The following NEK1 variants were observed in gnomAD, a reference collection of about 807,000 sequenced individuals.
NEK1 encodes NIMA related kinase 1, also known as serine/threonine-protein kinase Nek1.
Under a neutral mutation model 182.1 loss-of-function variants are expected in NEK1, and 137 were observed. That is an observed-to-expected ratio of 0.75 (90% CI 0.65 to 0.87). The LOEUF (loss-of-function observed/expected upper bound fraction) is 0.87. Ranked by LOEUF, NEK1 falls within the 40% of genes least tolerant of loss-of-function variation. The pLI is 0.00. For missense variants in NEK1, 1,391 were observed against 1,494.4 expected (o/e 0.93, Z 1.14); for synonymous variants, 513 against 492.2 (o/e 1.04, Z -0.56).
At chr4:169,483,562 T>C (rs902408758) in intron 23 of NEK1, among the ~76,000 whole-genome samples, 10 of 152,128 alleles carry the variant, frequency 6.6e-5, no homozygotes, top group African/African-American at 2.2e-4. Flanking sequence ...AGTATACTGA[T>C]ATTTAAGATG....
At chr4:169,407,689 C>G (rs910012073) in intron 31 of NEK1, among the ~76,000 whole-genome samples, 1 of 152,220 alleles carries the variant, frequency 6.6e-6, no homozygotes, top group Non-Finnish European at 1.5e-5. Context: ...ATAACTCTCA[C>G]AGCTGGGTTA....
intron 5 of NEK1, among the ~76,000 whole-genome samples, chr4:169,597,215 T>A (rs1188687994): frequency 6.6e-6 from 1 of 152,168 alleles, no homozygotes; most frequent in Admixed American, 6.5e-5. Context: ...CTTCACCACA[T>A]GTATAGTAGG....
chr4:169,610,884 C>T (rs1179384273), intron 2 of NEK1, among the ~76,000 whole-genome samples: 1 of 152,168 alleles, frequency 6.6e-6, no homozygotes, highest in Non-Finnish European at 1.5e-5. Context: ...TACAGTTCTG[C>T]CTAAGCAATA....
chr4:169,425,928 A>G (rs988738596), intron 30 of NEK1, among the ~76,000 whole-genome samples: 1 of 152,222 alleles, frequency 6.6e-6, no homozygotes, highest in African/African-American at 2.4e-5. Flanking sequence ...TTTAATATTC[A>G]ATAAAAATAA....
intron 19 of NEK1, among the ~76,000 whole-genome samples, chr4:169,536,296 CAAA>C (rs386402227): frequency 3.3e-5 from 3 of 90,362 alleles, no homozygotes; most frequent in Non-Finnish European, 4.9e-5. Context: ...GAGTTTGTCT[CAAA>C]AAAAAAAAAA....
Position 169,508,178 on chromosome 4 carries a change from C to T in NEK1, c.1833+70G>A, listed in dbSNP as rs1247209364. The T allele has an allele frequency of 8.3e-6, 11 of 1,330,214 alleles. No homozygotes were observed. In the Admixed American group the frequency reaches 1.6e-4, roughly 19 times the overall value. 82.4% of individuals were successfully genotyped at this position (1,330,214 alleles called of 1,614,324 possible). A position where few individuals can be genotyped will look rare whatever the true frequency, so the allele number is the denominator to read the frequency against. On this transcript the variant is annotated intron_variant, in intron 21 of 35. Transcript: ENST00000507142. ...TTGTTGTTGTCGTTGTTGTTAATGG[C>T]ACAGCATTTTAAATGTTAACCTACT...
chr4:169,536,444 C>G (rs1238234818), intron 19 of NEK1, among the ~76,000 whole-genome samples: 1 of 151,118 alleles, frequency 6.6e-6, no homozygotes, highest in Non-Finnish European at 1.5e-5. Context: ...AGAAACAGGG[C>G]AAGCCAGAGG....
At chr4:169,484,675 C>T (rs1324894237) in intron 23 of NEK1, among the ~76,000 whole-genome samples, 2 of 152,164 alleles carry the variant, frequency 1.3e-5, no homozygotes, top group Admixed American at 6.5e-5. Context: ...GAACAGCCTT[C>T]GCAGAGCAGC....
chr4:169,598,999 T>A, intron 5 of NEK1, 101 bp downstream of exon 5: 2 of 818,968 alleles, frequency 2.4e-6, no homozygotes, highest in Non-Finnish European at 3.9e-6. Context: ...CCCTAGTAAT[T>A]TTGATTAGCA....
intron 2 of NEK1, among the ~76,000 whole-genome samples, chr4:169,611,789 T>A (rs1320806614): frequency 6.6e-6 from 1 of 152,232 alleles, no homozygotes; most frequent in Non-Finnish European, 1.5e-5. Context: ...AAGATTCCTA[T>A]TATTTTAATC....
chr4:169,583,153 A>G (rs1205040608), intron 10 of NEK1, among the ~76,000 whole-genome samples: 2 of 151,934 alleles, frequency 1.3e-5, no homozygotes, highest in African/African-American at 2.4e-5. Context: ...AGGTATCACA[A>G]CTACTCAGGA....
intron 23 of NEK1, among the ~76,000 whole-genome samples, chr4:169,495,971 T>C (rs1269961154): frequency 1.3e-5 from 2 of 152,198 alleles, no homozygotes; most frequent in East Asian, 3.8e-4. Flanking sequence ...GGGATGGCAT[T>C]GAATCTATAA....
rs545374636 is a variant in NEK1, at chr4:169,556,220, T to C, written c.1267-125A>G. ...AAAAAGTAATTACTTAATATGAACA[T>C]ACTAACAAACATAAAGCCTAAAGCA... is the stretch of plus-strand genomic sequence containing the variant. On this transcript the variant is annotated intron_variant, in intron 16 of 35. Transcript: ENST00000507142. 40 of 841,456 alleles carry C rather than the reference T, an allele frequency of 4.8e-5. No individual in the cohort carries two copies. In the South Asian group the frequency reaches 9.7e-4, roughly 21 times the overall value. 52.1% of individuals were successfully genotyped at this position (841,456 alleles called of 1,614,324 possible). A position where few individuals can be genotyped will look rare whatever the true frequency, so the allele number is the denominator to read the frequency against.
At chr4:169,431,771 TA>T (rs960143834) in intron 29 of NEK1, among the ~76,000 whole-genome samples, 24 of 109,800 alleles carry the variant, frequency 2.2e-4, no homozygotes, top group African/African-American at 4.1e-4. Flanking sequence ...TCCACCAAAA[TA>T]AAAAAAAAAG....
At chr4:169,465,932 CACA>C (rs765530411) in intron 26 of NEK1, among the ~76,000 whole-genome samples, 2 of 151,938 alleles carry the variant, frequency 1.3e-5, no homozygotes, top group Non-Finnish European at 2.9e-5. Context: ...TATTAAAATT[CACA>C]ACATTTGGAC....
chr4:169,575,918 A>C (rs191906846), intron 12 of NEK1, among the ~76,000 whole-genome samples: 319 of 151,400 alleles, frequency 2.1e-3, no homozygotes, highest in South Asian at 4.0e-3. Context: ...TTAAAAAAAA[A>C]ATTTTTTTAC....
rs1180943067 is a variant in NEK1 at position 169,393,132 on chromosome 4, A to C, written c.*1378T>G. The C allele has an allele frequency of 6.6e-6, 1 of 152,242 alleles. No individual in the cohort carries two copies. The highest frequency in any genetic ancestry group is 1.5e-5 in the Non-Finnish European group (1 of 68,046). The allele number at this position is 152,242 out of a possible 1,614,324, so 9.4% of individuals were successfully genotyped here. A position where few individuals can be genotyped will look rare whatever the true frequency, so the allele number is the denominator to read the frequency against. Reference sequence around the variant, plus strand: ...TCATGCCCATCTTTCAGGATTGTAAAGAATTAAAATATTGAATTCATTTTC... The same window carrying C: ...TCATGCCCATCTTTCAGGATTGTAACGAATTAAAATATTGAATTCATTTTC... On this transcript the variant is annotated 3_prime_UTR_variant, in exon 36 of 36. Transcript: ENST00000507142.
chr4:169,414,648 C>T (rs1028223197), intron 31 of NEK1, among the ~76,000 whole-genome samples: 3 of 152,096 alleles, frequency 2.0e-5, no homozygotes, highest in Non-Finnish European at 4.4e-5. Flanking sequence ...TGTGGACCAC[C>T]AGCAGCAGAA....
intron 23 of NEK1, among the ~76,000 whole-genome samples, chr4:169,486,405 G>C (rs1437033311): frequency 2.0e-5 from 3 of 152,120 alleles, no homozygotes; most frequent in South Asian, 4.1e-4. Flanking sequence ...GAAACCACCA[G>C]TCTGCCTACT....
Sources: allele counts gnomAD v4.1 joint callset (sites outside exome capture counted in the v4.1 genomes callset), GRCh38; gene constraint gnomAD v4.1.1; transcripts MANE v1.5; gene names NCBI Gene and HGNC (gene_info 2026-07-23, HGNC 2026-07-21).